Variants in RUFY2 observed in about 807,000 individuals in gnomAD.
RUFY2 encodes the protein RUN and FYVE domain-containing protein 2.
In RUFY2, 49 loss-of-function variants were observed where a neutral mutation model predicts 94.4. The observed-to-expected ratio is 0.52, with a 90% CI of 0.41 to 0.66. The LOEUF (loss-of-function observed/expected upper bound fraction) is 0.66. RUFY2 is among the 30% of genes least tolerant of loss of function. The probability of loss-of-function intolerance (pLI) is 0.00; values close to 1 mark genes in which losing one functional copy is unlikely to be tolerated. For synonymous variants in RUFY2, 255 were observed against 235.7 expected (o/e 1.08, Z -0.75); for missense variants, 541 against 692.8 (o/e 0.78, Z 2.46).
chr10:68,376,794 C>CA (rs1291569415), intron 13 of RUFY2, 59 bp downstream of exon 13: 4 of 1,496,320 alleles, frequency 2.7e-6, no homozygotes, highest in African/African-American at 1.4e-5. Flanking sequence ...TCATTATGTG[C>CA]AAAAAAATGA....
chr10:68,397,472 G>A (rs2050472719), intron 3 of RUFY2, among the ~76,000 whole-genome samples: 2 of 151,970 alleles, frequency 1.3e-5, no homozygotes, highest in Non-Finnish European at 2.9e-5. Flanking sequence ...GCTGACACCT[G>A]TCATCCCTAC....
At position 68,404,724 on chromosome 10, in the gene RUFY2, G is replaced by C; in HGVS notation, c.125C>G (p.Pro42Arg). 1 of 1,612,988 alleles carries C rather than the reference G, an allele frequency of 6.2e-7. No homozygotes were observed. The highest frequency in any genetic ancestry group is 8.5e-7 in the Non-Finnish European group (1 of 1,179,584). ...CATAACAACAAAGAATTGCTGCAAG[G>C]GGGGATAGTCAGAATCCAAAGTGCG... Reference protein sequence around the residue: ...FGRTLDSDYPPLQQFFVVMEH... With the variant: ...FGRTLDSDYPRLQQFFVVMEH... Residue 42 changes from proline (P) to arginine (R), a missense_variant, in exon 2 of 18, where the codon CCC (proline) becomes CGC (arginine). Around this residue, in one of 3 missense-constraint regions of RUFY2, gnomAD observed 53 missense variants for 58.6 expected, o/e 0.90. Transcript: ENST00000602465.
At chr10:68,357,233 G>GTT (rs1005368601) in intron 15 of RUFY2, among the ~76,000 whole-genome samples, 3 of 139,748 alleles carry the variant, frequency 2.1e-5, no homozygotes, top group African/African-American at 2.6e-5. Context: ...GTATAACTTT[G>GTT]TTTTTTTTTT....
intron 13 of RUFY2, among the ~76,000 whole-genome samples, chr10:68,366,761 A>ATATATATATATATATATAT (rs1564801460): frequency 8.3e-6 from 1 of 120,736 alleles, no homozygotes; most frequent in African/African-American, 2.9e-5. Flanking sequence ...TATATATATA[A>ATATATATATATATATATAT]TATTAAATAT....
At chr10:68,370,519 T>A (rs2048195185) in intron 13 of RUFY2, among the ~76,000 whole-genome samples, 1 of 150,024 alleles carries the variant, frequency 6.7e-6, no homozygotes, top group African/African-American at 2.5e-5. Context: ...TAGTGGTGTA[T>A]GCCTGTAGTC....
chr10:68,391,126 G>T (rs2133017112), intron 7 of RUFY2, among the ~76,000 whole-genome samples: 1 of 149,602 alleles, frequency 6.7e-6, no homozygotes, highest in Non-Finnish European at 1.5e-5. Flanking sequence ...AGTAGAGATG[G>T]GGTTTTACCA....
At chr10:68,401,487 A>G in intron 3 of RUFY2, 133 bp downstream of exon 3, 1 of 626,566 alleles carries the variant, frequency 1.6e-6, no homozygotes, top group Non-Finnish European at 2.9e-6. Context: ...AATGAACATA[A>G]TTTTATTATA....
At chr10:68,375,323 T>TG (rs146420257) in intron 13 of RUFY2, among the ~76,000 whole-genome samples, 4,318 of 67,232 alleles carry the variant, frequency 0.064, 223 homozygotes, top group African/African-American at 0.2. Flanking sequence ...GGGGGGAGGA[T>TG]GGGGGGAGGG....
intron 13 of RUFY2, among the ~76,000 whole-genome samples, chr10:68,376,103 G>C (rs1373784232): frequency 7.0e-6 from 1 of 141,864 alleles, no homozygotes; most frequent in East Asian, 2.1e-4. Context: ...ACTCCATCTC[G>C]AAGGAAAAAA....
intron 10 of RUFY2, among the ~76,000 whole-genome samples, chr10:68,382,821 C>T (rs780042243): frequency 3.3e-5 from 5 of 151,610 alleles, no homozygotes; most frequent in Admixed American, 6.6e-5. Flanking sequence ...GTGGAGGTTA[C>T]GCAGGTTATT....
At position 68,346,057 on chromosome 10, in the gene RUFY2, CTTCT is replaced by C. The variant is rs1218007756; in HGVS notation, c.1623_1626del (p.Glu542GlnfsTer74). 15 of 1,613,640 alleles carry C rather than the reference CTTCT, an allele frequency of 9.3e-6. No individual in the cohort carries two copies. Among genetic ancestry groups the C allele is most frequent in the East Asian group, 4.5e-5 (2 of 44,862 alleles). On this transcript the variant is annotated frameshift_variant, in exon 17 of 18. Coordinates refer to ENST00000602465, the MANE Select transcript of RUFY2 (RefSeq NM_001330103.2). LOFTEE classifies it high-confidence loss of function. ...TTTTCACAAAGTTTACAATGTGTTG[CTTCT>C]TTGTCTTTCAGCCAAACCAGTCCCT...
At chr10:68,349,624 C>T (rs1389177972) in intron 16 of RUFY2, among the ~76,000 whole-genome samples, 1 of 151,776 alleles carries the variant, frequency 6.6e-6, no homozygotes, top group East Asian at 1.9e-4. Flanking sequence ...CTGCAAGCTC[C>T]GCCTCCCGGG....
intron 16 of RUFY2, among the ~76,000 whole-genome samples, chr10:68,353,288 G>A (rs900662522): frequency 6.7e-6 from 1 of 149,756 alleles, no homozygotes; most frequent in Non-Finnish European, 1.5e-5. Flanking sequence ...CCGAGATCGC[G>A]CCACTGCACT....
At chr10:68,346,149 C>G (rs1393812464) in intron 16 of RUFY2, 65 bp from the exon 17 acceptor site, 1 of 1,203,804 alleles carries the variant, frequency 8.3e-7, no homozygotes, top group African/African-American at 1.5e-5. Context: ...AAAACTTTTT[C>G]CCCCAAGAAC....
chr10:68,389,035 G>A (rs970922106), intron 7 of RUFY2, among the ~76,000 whole-genome samples: 2 of 151,656 alleles, frequency 1.3e-5, no homozygotes, highest in African/African-American at 4.8e-5. Flanking sequence ...TGAGACTACA[G>A]ACACACAACA....
At chr10:68,366,772 A>G (rs2047864396) in intron 13 of RUFY2, among the ~76,000 whole-genome samples, 1 of 130,512 alleles carries the variant, frequency 7.7e-6, no homozygotes, top group Non-Finnish European at 1.6e-5. Flanking sequence ...TATTAAATAT[A>G]TTAAATAAAT....
intron 3 of RUFY2, among the ~76,000 whole-genome samples, chr10:68,397,185 A>G (rs145343072): frequency 1.6e-3 from 247 of 152,284 alleles, no homozygotes; most frequent in African/African-American, 5.6e-3. Flanking sequence ...TGGAGTGTAC[A>G]TTTGCAAACC....
At chr10:68,391,698 G>A (rs1034147392) in intron 7 of RUFY2, among the ~76,000 whole-genome samples, 7 of 137,444 alleles carry the variant, frequency 5.1e-5, no homozygotes, top group Non-Finnish European at 1.1e-4. Context: ...GGTGGCTCAC[G>A]CCTGTAATCC....
chr10:68,376,489 T>TATATACATACATATATATATTC (rs58358117), intron 13 of RUFY2, among the ~76,000 whole-genome samples: 1 of 51,816 alleles, frequency 1.9e-5, no homozygotes, highest in Admixed American at 2.8e-4. Flanking sequence ...TATATATATA[T>TATATACATACATATATATATTC]ATTCTCAGAA....
Sources: allele counts gnomAD v4.1 joint callset (sites outside exome capture counted in the v4.1 genomes callset), GRCh38; gene constraint gnomAD v4.1.1; regional missense constraint gnomAD v4.1.1; transcripts MANE v1.5; gene names NCBI Gene and HGNC (gene_info 2026-07-23, HGNC 2026-07-21).